Variants in PSMD12 observed in about 807,000 individuals in gnomAD.
PSMD12 encodes proteasome 26S subunit, non-ATPase 12, also known as 26S proteasome non-ATPase regulatory subunit 12.
In PSMD12, 8 loss-of-function variants were observed where a neutral mutation model predicts 62.9. The observed-to-expected ratio is 0.13, with a 90% CI of 0.07 to 0.23. PSMD12 has a LOEUF of 0.23. Ranked by LOEUF, PSMD12 falls within the 10% of genes least tolerant of loss-of-function variation. The pLI is 1.00. For synonymous variants in PSMD12, 173 were observed against 187.4 expected, an observed-to-expected ratio of 0.92 and a Z score of 0.63; for missense variants, 424 against 550.2, an observed-to-expected ratio of 0.77 and a Z score of 2.29.
intron 9 of PSMD12, 40 bp from the exon 10 acceptor site, chr17:67,342,303 TGTCA>T: frequency 7.6e-7 from 1 of 1,310,296 alleles, no homozygotes; most frequent in Non-Finnish European, 1.1e-6. Flanking sequence ...ACGTAACATT[TGTCA>T]GTAAGTCTAA....
chr17:67,361,646 A>G (rs1321338636), intron 1 of PSMD12, among the ~76,000 whole-genome samples: 2 of 152,044 alleles, frequency 1.3e-5, no homozygotes, highest in Admixed American at 6.6e-5. Flanking sequence ...ACATAGTCCA[A>G]CTTTTAAAGT....
In PSMD12 at chr17:67,340,834, C is replaced by G; in HGVS notation, c.*9G>C. 2 of 1,551,272 alleles carry G rather than the reference C, an allele frequency of 1.3e-6. No homozygotes were observed. The highest frequency in any genetic ancestry group is 2.4e-5 in the East Asian group (1 of 42,032). ...CCAATTTTAACTTTTTTCTAAAGCA[C>G]TAAGACCCTTATTGTAGATTATGTA... is the stretch of plus-strand genomic sequence containing the variant. On this transcript the variant is annotated 3_prime_UTR_variant, in exon 11 of 11. Coordinates refer to ENST00000356126, the MANE Select transcript of PSMD12 (RefSeq NM_002816.5).
rs773468382 is a variant in PSMD12, at chr17:67,344,715, C to G, written c.974G>C (p.Gly325Ala). ...MRWSTLVEDY[G>A]MELRKGSLES... ...AAGGGAACCTTTTCTTAATTCCATT[C>G]CATAGTCCTCAACAAGTGTGGACCA... is the stretch of plus-strand genomic sequence containing the variant. Residue 325 changes from glycine (G) to alanine (A), a missense_variant, in exon 9 of 11, where the codon GGA becomes GCA. By Grantham distance (60) the Gly-to-Ala change is moderately conservative (BLOSUM62 0). Coordinates refer to ENST00000356126, the MANE Select transcript of PSMD12 (RefSeq NM_002816.5). 2 of 1,613,556 alleles carry G rather than the reference C, an allele frequency of 1.2e-6. No individual in the cohort carries two copies. The highest frequency in any genetic ancestry group is 1.7e-6 in the Non-Finnish European group (2 of 1,179,708).
At chr17:67,343,930 C>G (rs1336737459) in intron 9 of PSMD12, among the ~76,000 whole-genome samples, 1 of 152,106 alleles carries the variant, frequency 6.6e-6, no homozygotes, top group African/African-American at 2.4e-5. Flanking sequence ...TCTCGAACTC[C>G]TGACCTCAGG....
At chr17:67,347,287 G>A in intron 6 of PSMD12, 37 bp from the exon 7 acceptor site, 2 of 1,611,504 alleles carry the variant, frequency 1.2e-6, no homozygotes, top group South Asian at 2.2e-5. Context: ...GGGGTTTATG[G>A]GTTTTATTCA....
At chr17:67,357,487 G>A in intron 2 of PSMD12, 32 bp downstream of exon 2, 4 of 1,612,672 alleles carry the variant, frequency 2.5e-6, no homozygotes, top group South Asian at 1.1e-5. Context: ...TGAAATTAAT[G>A]GTAACTGAGC....
In PSMD12 at chr17:67,340,146, C is replaced by T. The variant is rs1430562524; in HGVS notation, c.*697G>A. On this transcript the variant is annotated 3_prime_UTR_variant, in exon 11 of 11. Transcript: ENST00000356126. The stretch of plus-strand genomic sequence containing the variant: ...ATCCCTATAGAGCGGACTTAACACC[C>T]AATAAACTGTGTCAATTATGTCAGC... 6.8e-6 allele frequency: 1 copy of T among 148,000 alleles called. No homozygotes were observed. Among genetic ancestry groups the T allele is most frequent in the East Asian group, 2.0e-4 (1 of 5,094 alleles). 9.2% of individuals were successfully genotyped at this position (148,000 alleles called of 1,614,324 possible). A position where few individuals can be genotyped will look rare whatever the true frequency, so the allele number is the denominator to read the frequency against.
chr17:67,339,548 T>C lies in PSMD12; in HGVS notation c.*1295A>G, dbSNP rs1165884820. 1 of 152,164 alleles carries C rather than the reference T, an allele frequency of 6.6e-6. No individual in the cohort carries two copies. Among genetic ancestry groups the C allele is most frequent in the Non-Finnish European group, 1.5e-5 (1 of 68,044 alleles). The allele number at this position is 152,164 out of a possible 1,614,324, so 9.4% of individuals were successfully genotyped here. On this transcript the variant is annotated 3_prime_UTR_variant, in exon 11 of 11. Coordinates refer to ENST00000356126, the MANE Select transcript of PSMD12 (RefSeq NM_002816.5). ...ACTCACAGGATAAATATGACAGATA[T>C]CCCACAACTGTCTTCAGTCCTGGGA...
At chr17:67,357,118 A>G (rs2042082254) in intron 3 of PSMD12, 185 bp downstream of exon 3, 1 of 598,140 alleles carries the variant, frequency 1.7e-6, no homozygotes, top group South Asian at 3.1e-5. Flanking sequence ...GCAAACATAT[A>G]AAGACTAGAA....
At chr17:67,355,728 A>G (rs1357805615) in intron 3 of PSMD12, among the ~76,000 whole-genome samples, 1 of 152,198 alleles carries the variant, frequency 6.6e-6, no homozygotes, top group Admixed American at 6.6e-5. Context: ...CTCAAGAAGA[A>G]TAAGGAAACA....
In PSMD12 at chr17:67,344,716, C is replaced by T. The variant is rs1434028386; in HGVS notation, c.973G>A (p.Gly325Arg). 1.2e-6 allele frequency: 2 copies of T among 1,613,682 alleles called. No homozygotes were observed. The highest frequency in any genetic ancestry group is 1.7e-6 in the Non-Finnish European group (2 of 1,179,718). ...MRWSTLVEDY[G>R]MELRKGSLES... is the part of the protein sequence containing the mutation. ...AGGGAACCTTTTCTTAATTCCATTC[C>T]ATAGTCCTCAACAAGTGTGGACCAA... The change falls in exon 9 of 11, where the codon GGA (glycine) becomes AGA (arginine). Residue 325 changes from glycine to arginine, a missense_variant. Physicochemically the swap from Gly to Arg is moderately radical, Grantham distance 125. Coordinates refer to ENST00000356126, the MANE Select transcript of PSMD12 (RefSeq NM_002816.5).
At chr17:67,356,057 A>G (rs1361632027) in intron 3 of PSMD12, among the ~76,000 whole-genome samples, 3 of 151,912 alleles carry the variant, frequency 2.0e-5, no homozygotes, top group Admixed American at 6.6e-5. Flanking sequence ...CTTTTGGCAG[A>G]CTTCAGTTTT....
rs767211283 is a variant in PSMD12, at chr17:67,347,112, T to C, written c.795+4A>G. 38 of 1,590,326 alleles carry C rather than the reference T, an allele frequency of 2.4e-5. No homozygotes were observed. The highest frequency in any genetic ancestry group is 2.3e-5 in the South Asian group (2 of 88,066). ...CCATGTCAATTACACGAATATATTC[T>C]TACCTGCTGCCATTTTTCACTTTCT... On this transcript the variant is annotated splice_donor_region_variant and intron_variant, in intron 7 of 10. Coordinates refer to ENST00000356126, the MANE Select transcript of PSMD12 (RefSeq NM_002816.5).
Position 67,340,667 on chromosome 17 carries a change from T to C in PSMD12, c.*176A>G. Reference sequence around the variant, plus strand: ...TCTGTATTTTTGCACCAATTGCAAATGCAAAGTTAACAATGAACTTGGGGA... The same window carrying C: ...TCTGTATTTTTGCACCAATTGCAAACGCAAAGTTAACAATGAACTTGGGGA... On this transcript the variant is annotated 3_prime_UTR_variant, in exon 11 of 11. Coordinates refer to ENST00000356126, the MANE Select transcript of PSMD12 (RefSeq NM_002816.5). 4.2e-6 allele frequency: 2 copies of C among 476,828 alleles called. No homozygotes were observed. The highest frequency in any genetic ancestry group is 1.1e-4 in the South Asian group (2 of 18,326). The allele number at this position is 476,828 out of a possible 1,614,324, so 29.5% of individuals were successfully genotyped here.
chr17:67,349,151 C>G (rs972874217), intron 4 of PSMD12, among the ~76,000 whole-genome samples: 1 of 152,210 alleles, frequency 6.6e-6, no homozygotes, highest in Non-Finnish European at 1.5e-5. Flanking sequence ...TCCAGAGTAG[C>G]TGGGATTACA....
rs779825853 is a variant in PSMD12 at position 67,340,963 on chromosome 17, T to A, written c.1251A>T (p.Arg417Ser). Residue 417 changes from arginine (R) to serine (S), a missense_variant, in exon 11 of 11, where the codon AGA becomes AGT. Coordinates refer to ENST00000356126, the MANE Select transcript of PSMD12 (RefSeq NM_002816.5). ...TTAATAAATTATTTGGATCCTTGGG[T>A]CTCTGGAAGTTGATAATTCCTGCTA... ...DRLAGIINFQRPKDPNNLLND... is the reference protein window; with the variant it reads ...DRLAGIINFQSPKDPNNLLND... 1.3e-6 allele frequency: 2 copies of A among 1,581,946 alleles called. No individual in the cohort carries two copies. Among genetic ancestry groups the A allele is most frequent in the South Asian group, 1.2e-5 (1 of 84,718 alleles).
chr17:67,353,606 CAA>C (rs974818393), intron 3 of PSMD12, among the ~76,000 whole-genome samples: 39 of 152,184 alleles, frequency 2.6e-4, no homozygotes, highest in African/African-American at 9.4e-4. Flanking sequence ...CATGCCCAGC[CAA>C]AAAGTTTATT....
intron 1 of PSMD12, among the ~76,000 whole-genome samples, chr17:67,360,684 T>TC (rs2042120892): frequency 6.6e-6 from 1 of 152,186 alleles, no homozygotes. Context: ...ATAGCTTACC[T>TC]CCTAAGTGGT....
At chr17:67,345,882 T>C in intron 7 of PSMD12, 25 bp from the exon 8 acceptor site, 2 of 1,555,612 alleles carry the variant, frequency 1.3e-6, no homozygotes, top group Admixed American at 1.7e-5. Flanking sequence ...CAACAAGTTA[T>C]ATGCAAGACT....
Sources: allele counts gnomAD v4.1 joint callset (sites outside exome capture counted in the v4.1 genomes callset), GRCh38; gene constraint gnomAD v4.1.1; transcripts MANE v1.5; gene names NCBI Gene and HGNC (gene_info 2026-07-23, HGNC 2026-07-21).